The following FILIP1L variants were observed in gnomAD, a reference collection of about 807,000 sequenced individuals.
FILIP1L encodes the protein filamin A interacting protein 1 like.
FILIP1L carries 55 observed loss-of-function variants against 96.6 expected under a neutral mutation model. That is an observed-to-expected ratio of 0.57 (90% CI 0.46 to 0.71). FILIP1L has a LOEUF of 0.71. FILIP1L is among the 30% of genes least tolerant of loss of function. The pLI is 0.00. For missense variants in FILIP1L, 1,304 were observed against 1,321.2 expected, an observed-to-expected ratio of 0.99 and a Z score of 0.20; for synonymous variants, 467 against 473.9, an observed-to-expected ratio of 0.99 and a Z score of 0.19.
At chr3:100,071,181 G>C (rs1255577286) in intron 1 of FILIP1L, among the ~76,000 whole-genome samples, 1 of 131,480 alleles carries the variant, frequency 7.6e-6, no homozygotes, top group Non-Finnish European at 1.5e-5. Context: ...ACATATCACT[G>C]TCAATTTATG....
intron 1 of FILIP1L, among the ~76,000 whole-genome samples, chr3:99,954,104 A>T (rs1228020774): frequency 2.0e-5 from 3 of 152,268 alleles, no homozygotes; most frequent in Non-Finnish European, 2.9e-5. Context: ...AGCAAGCTGT[A>T]TGAGGGCTCA....
At chr3:100,070,114 C>T (rs2065736472) in intron 1 of FILIP1L, among the ~76,000 whole-genome samples, 1 of 152,188 alleles carries the variant, frequency 6.6e-6, no homozygotes, top group Non-Finnish European at 1.5e-5. Context: ...TGGATTTGGA[C>T]AGTGATACCA....
intron 1 of FILIP1L, among the ~76,000 whole-genome samples, chr3:100,079,214 C>T (rs543825668): frequency 6.6e-6 from 1 of 152,292 alleles, no homozygotes; most frequent in South Asian, 2.1e-4. Flanking sequence ...GTCGCCAGGC[C>T]ATTTTGAGGC....
At chr3:99,855,951 G>A (rs762233411) in intron 4 of FILIP1L, among the ~76,000 whole-genome samples, 2 of 152,160 alleles carry the variant, frequency 1.3e-5, no homozygotes, top group Non-Finnish European at 2.9e-5. Flanking sequence ...TCAACCTAAC[G>A]AAATCTGTAA....
At chr3:99,861,059 T>G (rs1277580232) in intron 4 of FILIP1L, among the ~76,000 whole-genome samples, 1 of 152,146 alleles carries the variant, frequency 6.6e-6, no homozygotes, top group Non-Finnish European at 1.5e-5. Flanking sequence ...TCACTTTTCT[T>G]TTTGTTTTCC....
intron 1 of FILIP1L, among the ~76,000 whole-genome samples, chr3:100,086,159 C>T (rs367620424): frequency 2.0e-4 from 30 of 152,290 alleles, no homozygotes; most frequent in South Asian, 8.3e-4. Context: ...AGAACAGTTG[C>T]GTTTCCTTTC....
At chr3:100,009,406 T>G (rs1710078820) in intron 1 of FILIP1L, among the ~76,000 whole-genome samples, 1 of 152,156 alleles carries the variant, frequency 6.6e-6, no homozygotes, top group African/African-American at 2.4e-5. Context: ...TCTGCTCCTG[T>G]TAGCAACCTG....
At chr3:99,883,052 C>T (rs942532799) in intron 4 of FILIP1L, among the ~76,000 whole-genome samples, 5 of 152,176 alleles carry the variant, frequency 3.3e-5, no homozygotes, top group African/African-American at 1.2e-4. Context: ...ATTTATGTCA[C>T]TAAGCATCCA....
In FILIP1L at chr3:99,849,944, C is replaced by T. The variant is rs1229661593; in HGVS notation, c.1732G>A (p.Gly578Arg). 6.2e-7 allele frequency: 1 copy of T among 1,612,808 alleles called. No homozygotes were observed. Among genetic ancestry groups the T allele is most frequent in the African/African-American group, 1.3e-5 (1 of 74,828 alleles). ...KNKLKAEEEK[G>R]NDLLSRVNML... ...TTAACTCTTGACAGGAGATCATTTC[C>T]TTTCTCTTCTTCCGCTTTCAATTTG... The change falls in exon 5 of 6, where the codon GGA (glycine) becomes AGA (arginine). Residue 578 changes from glycine (G) to arginine (R), a missense_variant. Physicochemically the swap from Gly to Arg is moderately radical, Grantham distance 125. Transcript: ENST00000477258.
intron 1 of FILIP1L, among the ~76,000 whole-genome samples, chr3:100,113,506 AG>A (rs917215457): frequency 1.3e-5 from 2 of 152,228 alleles, no homozygotes; most frequent in African/African-American, 4.8e-5. Context: ...TAACATCAAC[AG>A]AAGGTAAACA....
At chr3:100,001,286 C>CTA (rs1429987585) in intron 1 of FILIP1L, among the ~76,000 whole-genome samples, 2 of 152,204 alleles carry the variant, frequency 1.3e-5, no homozygotes, top group Non-Finnish European at 2.9e-5. Context: ...TGGAACATGG[C>CTA]TATACTCCTT....
intron 1 of FILIP1L, among the ~76,000 whole-genome samples, chr3:99,961,605 T>A (rs1576603218): frequency 6.6e-6 from 1 of 152,152 alleles, no homozygotes; most frequent in East Asian, 1.9e-4. Flanking sequence ...GCCATATTAT[T>A]TTGGGGAGCT....
chr3:99,979,067 A>G (rs929198488), intron 1 of FILIP1L, among the ~76,000 whole-genome samples: 1 of 152,116 alleles, frequency 6.6e-6, no homozygotes, highest in South Asian at 2.1e-4. Flanking sequence ...TTTACTGTAT[A>G]TTTTCAAATA....
At chr3:100,080,544 C>A (rs989970738) in intron 1 of FILIP1L, among the ~76,000 whole-genome samples, 1 of 152,106 alleles carries the variant, frequency 6.6e-6, no homozygotes, top group African/African-American at 2.4e-5. Context: ...GATCTGTGGA[C>A]CACATTTTGA....
intron 1 of FILIP1L, among the ~76,000 whole-genome samples, chr3:100,062,302 G>T (rs185300564): frequency 4.0e-5 from 6 of 151,344 alleles, no homozygotes. Context: ...TAGTGGAGAC[G>T]AGGTTTCACC....
chr3:99,979,163 G>C (rs1709050471), intron 1 of FILIP1L, among the ~76,000 whole-genome samples: 1 of 152,070 alleles, frequency 6.6e-6, no homozygotes, highest in Non-Finnish European at 1.5e-5. Context: ...ATTACACACT[G>C]TATACCTATA....
intron 4 of FILIP1L, among the ~76,000 whole-genome samples, chr3:99,860,767 A>G (rs1484843235): frequency 2.0e-5 from 3 of 152,156 alleles, no homozygotes; most frequent in Non-Finnish European, 4.4e-5. Context: ...AGCACATGTA[A>G]ATTTGTACCA....
chr3:99,938,284 A>T (rs1707753533), intron 1 of FILIP1L, among the ~76,000 whole-genome samples: 1 of 152,182 alleles, frequency 6.6e-6, no homozygotes, highest in African/African-American at 2.4e-5. Context: ...ACTATTTTTT[A>T]ATTTGACAGC....
intron 1 of FILIP1L, among the ~76,000 whole-genome samples, chr3:100,096,294 A>T (rs1435336800): frequency 1.3e-5 from 1 of 76,394 alleles, no homozygotes; most frequent in Non-Finnish European, 2.9e-5. Flanking sequence ...CAGTATAGCA[A>T]AGAGAGATCT....
Sources: gnomAD v4.1 joint callset for allele counts (sites outside exome capture counted in the v4.1 genomes callset) on GRCh38, gnomAD v4.1.1 for gene constraint, MANE v1.5 for transcripts, NCBI Gene and HGNC (gene_info 2026-07-23, HGNC 2026-07-21) for gene names.